PCDH7: variants seen among roughly 807,000 people sequenced by gnomAD.
The protein encoded by PCDH7 is protocadherin-7.
Under a neutral mutation model 58.9 loss-of-function variants are expected in PCDH7, and 17 were observed. That is an observed-to-expected ratio of 0.29 (90% confidence interval 0.20 to 0.43). PCDH7 has a LOEUF of 0.43. PCDH7 is among the 20% of genes least tolerant of loss of function. PCDH7 has a pLI of 1.00. For missense variants in PCDH7, 1,274 were observed against 1,441.0 expected (o/e 0.88, Z 1.88); for synonymous variants, 664 against 616.4 (o/e 1.08, Z -1.14).
At chr4:31,044,647 G>T (rs1477554841) in intron 3 of PCDH7, among the ~76,000 whole-genome samples, 1 of 152,080 alleles carries the variant, frequency 6.6e-6, no homozygotes, top group Non-Finnish European at 1.5e-5. Context: ...GTGCACTAGA[G>T]TTATTCTAAA....
intron 3 of PCDH7, among the ~76,000 whole-genome samples, chr4:30,952,772 GT>G (rs1381188753): frequency 6.6e-6 from 1 of 152,044 alleles, no homozygotes; most frequent in Admixed American, 6.6e-5. Context: ...TGTGACAACA[GT>G]TTTTTTGAGA....
chr4:31,057,082 T>C (rs28532843), intron 3 of PCDH7, among the ~76,000 whole-genome samples: 95,713 of 152,104 alleles, frequency 0.63, 32,480 homozygotes, highest in African/African-American at 0.89. Flanking sequence ...ATAAATAGTA[T>C]ATTCATAAAT....
intron 3 of PCDH7, among the ~76,000 whole-genome samples, chr4:31,036,037 T>C (rs1755383277): frequency 6.6e-6 from 1 of 152,232 alleles, no homozygotes. Flanking sequence ...GAACAAAATC[T>C]TAGGAAGTGC....
chr4:30,873,528 G>C (rs367880816), intron 1 of PCDH7, among the ~76,000 whole-genome samples: 2 of 106,230 alleles, frequency 1.9e-5, no homozygotes, highest in East Asian at 4.3e-4. Context: ...TAAATAATGA[G>C]AAATTTTGCA....
chr4:30,892,583 G>A (rs982409491), intron 1 of PCDH7, among the ~76,000 whole-genome samples: 1 of 151,990 alleles, frequency 6.6e-6, no homozygotes, highest in Non-Finnish European at 1.5e-5. Context: ...TTCATGCAAT[G>A]AATTATACTG....
At chr4:31,071,321 A>G (rs866889183) in intron 3 of PCDH7, among the ~76,000 whole-genome samples, 14 of 152,072 alleles carry the variant, frequency 9.2e-5, no homozygotes, top group Admixed American at 2.6e-4. Context: ...TTTACTGTGT[A>G]CATGTGTGTC....
At chr4:30,879,422 A>G (rs1434319397) in intron 1 of PCDH7, among the ~76,000 whole-genome samples, 1 of 152,098 alleles carries the variant, frequency 6.6e-6, no homozygotes, top group Admixed American at 6.6e-5. Flanking sequence ...TAGAACCGTG[A>G]TCACACAAGT....
intron 1 of PCDH7, among the ~76,000 whole-genome samples, chr4:30,900,172 T>C (rs1003056157): frequency 3.0e-4 from 45 of 152,070 alleles, no homozygotes; most frequent in African/African-American, 1.1e-3. Context: ...ATTCCCATTT[T>C]CCCCCCATAT....
intron 1 of PCDH7, among the ~76,000 whole-genome samples, chr4:30,879,500 G>T (rs1044863783): frequency 2.6e-5 from 4 of 151,938 alleles, no homozygotes; most frequent in Non-Finnish European, 4.4e-5. Context: ...TTACGTGACA[G>T]TATCCTTGAA....
At chr4:31,001,350 A>T (rs1050593983) in intron 3 of PCDH7, among the ~76,000 whole-genome samples, 5 of 152,130 alleles carry the variant, frequency 3.3e-5, no homozygotes, top group Admixed American at 1.3e-4. Context: ...TTAGTTAAAA[A>T]TTTTCATAAT....
rs532106245 is a variant in PCDH7, at chr4:30,759,826, G to A, written c.70+35230G>A. ...GTGCCACCATTGTATTTGTAATACC[G>A]GAATCTGTTTTGTAAGATTAGATAC... On this transcript the variant is annotated intron_variant, in intron 1 of 3. Coordinates refer to the PCDH7 transcript ENST00000509759. 5.9e-5 allele frequency among the ~76,000 whole-genome samples: 9 copies of A among 152,132 alleles called. 1 individual carries two copies. Among genetic ancestry groups the A allele is most frequent in the African/African-American group, 1.7e-4 (7 of 41,506 alleles).
chr4:30,886,987 G>C (rs149137912), intron 1 of PCDH7, among the ~76,000 whole-genome samples: 1 of 116,188 alleles, frequency 8.6e-6, no homozygotes, highest in Non-Finnish European at 1.8e-5. Context: ...GTGGGGGGTG[G>C]GGGGAGGGGG....
At chr4:30,888,720 C>T (rs11724560) in intron 1 of PCDH7, among the ~76,000 whole-genome samples, 10 of 151,864 alleles carry the variant, frequency 6.6e-5, no homozygotes, top group African/African-American at 1.9e-4. Flanking sequence ...ATTTGTTTCC[C>T]GGTAACTGGG....
intron 1 of PCDH7, among the ~76,000 whole-genome samples, chr4:30,753,878 A>G (rs1230150266): frequency 6.6e-6 from 1 of 152,188 alleles, no homozygotes; most frequent in Non-Finnish European, 1.5e-5. Context: ...GAAGAGAAAA[A>G]CATTACATTT....
chr4:31,013,417 T>C (rs1753350591), intron 3 of PCDH7, among the ~76,000 whole-genome samples: 1 of 150,892 alleles, frequency 6.6e-6, no homozygotes, highest in African/African-American at 2.4e-5. Context: ...TATATACACG[T>C]ATATATATAC....
rs755128575 is a variant in PCDH7 at position 30,722,810 on chromosome 4, T to A, written c.1388T>A (p.Val463Glu). The change falls in exon 1 of 2, where the codon GTG becomes GAG. Residue 463 changes from valine (V) to glutamate (E), a missense_variant. Coordinates refer to ENST00000361762, the Ensembl canonical transcript of PCDH7. The surrounding 1 kb of genome is among the most constrained non-coding windows in gnomAD (Gnocchi z 7.6). ...AACGGGGTGGTCACCTGCACCGTGG[T>A]GGGCGACGTGCCCTTCCAGCTCAAG... 6.2e-7 allele frequency: 1 copy of A among 1,613,576 alleles called. No individual in the cohort carries two copies. Among genetic ancestry groups the A allele is most frequent in the Non-Finnish European group, 8.5e-7 (1 of 1,180,016 alleles).
intron 3 of PCDH7, among the ~76,000 whole-genome samples, chr4:30,969,999 T>A (rs4235016): frequency 0.61 from 93,001 of 151,464 alleles, 29,788 homozygotes; most frequent in African/African-American, 0.81. Flanking sequence ...TAATCAAGAC[T>A]TAACAATCTG....
intron 3 of PCDH7, among the ~76,000 whole-genome samples, chr4:31,129,879 C>T (rs1043110281): frequency 6.6e-6 from 1 of 152,012 alleles, no homozygotes; most frequent in Non-Finnish European, 1.5e-5. Flanking sequence ...CCACCCACCT[C>T]GGCCTCCCAA....
chr4:31,036,801 A>G (rs752156784), intron 3 of PCDH7, among the ~76,000 whole-genome samples: 9 of 152,146 alleles, frequency 5.9e-5, no homozygotes, highest in Non-Finnish European at 1.2e-4. Context: ...GCAATTTACT[A>G]AAGAAAGAGT....
Sources: allele counts gnomAD v4.1 joint callset (sites outside exome capture counted in the v4.1 genomes callset), GRCh38; gene constraint gnomAD v4.1.1; non-coding constraint Gnocchi (gnomAD v3.1); transcripts MANE v1.5; gene names NCBI Gene and HGNC (gene_info 2026-07-23, HGNC 2026-07-21).